The following TMC5 variants were observed in gnomAD, a reference collection of about 807,000 sequenced individuals.
TMC5 encodes the protein transmembrane channel-like protein 5.
Under a neutral mutation model 110.5 loss-of-function variants are expected in TMC5, and 86 were observed. That is an observed-to-expected ratio of 0.78 (90% CI 0.65 to 0.93). The LOEUF is 0.93. Among genes scored for constraint, TMC5 ranks in the 40% least tolerant of loss-of-function variants. The pLI is 0.00. For synonymous variants in TMC5, 455 were observed against 439.5 expected, an observed-to-expected ratio of 1.04 and a Z score of -0.44; for missense variants, 1,144 against 1,222.8, an observed-to-expected ratio of 0.94 and a Z score of 0.96.
At chr16:19,465,919 G>A (rs1968176371) in intron 8 of TMC5, among the ~76,000 whole-genome samples, 163 bp from the exon 9 acceptor site, 1 of 152,164 alleles carries the variant, frequency 6.6e-6, no homozygotes. Context: ...AGAGCCCAGT[G>A]ACACAATGTC....
At chr16:19,422,393 C>T (rs1376246236) in intron 1 of TMC5, among the ~76,000 whole-genome samples, 1 of 152,120 alleles carries the variant, frequency 6.6e-6, no homozygotes, top group Non-Finnish European at 1.5e-5. Flanking sequence ...ACTCCAATGC[C>T]CTGCTTCCAA....
chr16:19,470,227 C>T (rs1031226424), intron 10 of TMC5, among the ~76,000 whole-genome samples: 9 of 150,906 alleles, frequency 6.0e-5, no homozygotes, highest in Non-Finnish European at 8.8e-5. Flanking sequence ...CTCACTCCGC[C>T]GCCCAGGCTG....
Position 19,456,751 on chromosome 16 carries a change from G to T in TMC5, c.1049-3484G>T, listed in dbSNP as rs200072036. 107 of 1,614,076 alleles carry T rather than the reference G, an allele frequency of 6.6e-5. No individual in the cohort carries two copies. In the South Asian group the frequency reaches 1.0e-3, roughly 16 times the overall value. On this transcript the variant is annotated intron_variant, in intron 5 of 21. Transcript: ENST00000542583. Reference sequence around the variant, plus strand: ...TGAATGAAATCATCATACAGGTTGAGAATGTTTCCTCTGGGGTCCAAAGCC... The same window carrying T: ...TGAATGAAATCATCATACAGGTTGATAATGTTTCCTCTGGGGTCCAAAGCC...
chr16:19,438,130 G>A (rs564113447), intron 2 of TMC5, among the ~76,000 whole-genome samples: 3 of 152,192 alleles, frequency 2.0e-5, no homozygotes, highest in African/African-American at 7.2e-5. Flanking sequence ...AGTGGCTTAC[G>A]CCTGTAATCC....
intron 5 of TMC5, among the ~76,000 whole-genome samples, chr16:19,459,762 A>C (rs532331516): frequency 1.3e-5 from 2 of 149,584 alleles, no homozygotes. Context: ...ACAAAAAAAT[A>C]AAAAAATTAG....
Position 19,440,449 on chromosome 16 carries a change from T to C in TMC5, c.411T>C (p.Phe137=). ...DYPGSQRNPD[F]AGSSSSGNYA... is the part of the protein sequence containing the mutation. ...CTGGATCTCAACGAAATCCTGATTT[T>C]GCAGGCTCCAGCAGCAGTGGAAACT... Residue 137 remains phenylalanine (F), a synonymous_variant, in exon 3 of 22, where the codon TTT becomes TTC. Coordinates refer to ENST00000542583, the MANE Select transcript of TMC5 (RefSeq NM_001261841.2). 1 of 1,614,108 alleles carries C rather than the reference T, an allele frequency of 6.2e-7. No individual in the cohort carries two copies. The highest frequency in any genetic ancestry group is 8.5e-7 in the Non-Finnish European group (1 of 1,180,022).
At chr16:19,419,420 T>TTTTTG (rs1966931566) in intron 1 of TMC5, among the ~76,000 whole-genome samples, 1 of 135,658 alleles carries the variant, frequency 7.4e-6, no homozygotes, top group African/African-American at 2.7e-5. Flanking sequence ...TTTTTTTTTT[T>TTTTTG]TTTTTTTTTT....
intron 1 of TMC5, among the ~76,000 whole-genome samples, chr16:19,424,564 A>G (rs1252157400): frequency 1.3e-5 from 2 of 152,210 alleles, no homozygotes; most frequent in Admixed American, 6.5e-5. Context: ...CAGGAGAACC[A>G]CTTCAACCTG....
At chr16:19,415,102 G>A (rs1355465757), upstream of TMC5, among the ~76,000 whole-genome samples, 3 of 152,166 alleles carry the variant, frequency 2.0e-5, no homozygotes, top group Admixed American at 1.3e-4. Context: ...TTCTCACTCT[G>A]GAAGCAACCA....
chr16:19,473,271 C>T (rs1045812582), intron 11 of TMC5, among the ~76,000 whole-genome samples: 2 of 136,744 alleles, frequency 1.5e-5, no homozygotes, highest in African/African-American at 2.7e-5. Context: ...ACTTGAACCT[C>T]GGAGGCAGAG....
At chr16:19,428,316 T>A (rs1438502768) in intron 1 of TMC5, among the ~76,000 whole-genome samples, 1 of 151,588 alleles carries the variant, frequency 6.6e-6, no homozygotes, top group Non-Finnish European at 1.5e-5. Context: ...TTCTTTTTTT[T>A]TTTTTTTTTT....
chr16:19,469,547 C>G (rs961468124), intron 9 of TMC5, 134 bp from the exon 10 acceptor site: 7 of 1,118,076 alleles, frequency 6.3e-6, no homozygotes, highest in Non-Finnish European at 9.0e-6. Context: ...CCACACCGCT[C>G]CAGGCCAACA....
intron 4 of TMC5, among the ~76,000 whole-genome samples, chr16:19,447,717 C>A (rs1967645285): frequency 6.6e-6 from 1 of 151,908 alleles, no homozygotes; most frequent in Non-Finnish European, 1.5e-5. Context: ...CCATGCCCAG[C>A]CAATTTTTTT....
chr16:19,415,017 A>G (rs955678272), upstream of TMC5, among the ~76,000 whole-genome samples: 1 of 152,192 alleles, frequency 6.6e-6, no homozygotes, highest in African/African-American at 2.4e-5. Context: ...AAAAAGAAAA[A>G]TGGAAAAAAT....
intron 4 of TMC5, among the ~76,000 whole-genome samples, chr16:19,447,179 TGA>T (rs1967633698): frequency 6.6e-6 from 1 of 152,168 alleles, no homozygotes; most frequent in Non-Finnish European, 1.5e-5. Context: ...TGAACTACGC[TGA>T]GTTTGTTGTG....
At chr16:19,447,419 A>G (rs904750462) in intron 4 of TMC5, among the ~76,000 whole-genome samples, 1 of 152,206 alleles carries the variant, frequency 6.6e-6, no homozygotes, top group Non-Finnish European at 1.5e-5. Flanking sequence ...CAATGGAGGT[A>G]GTCAAGGTAG....
intron 13 of TMC5, among the ~76,000 whole-genome samples, chr16:19,478,990 C>T (rs915035906): frequency 2.0e-5 from 3 of 152,164 alleles, no homozygotes; most frequent in African/African-American, 7.2e-5. Context: ...CCTACTAAAC[C>T]TCTAGGCCAC....
chr16:19,449,019 C>T lies in TMC5; in HGVS notation c.959-523C>T, dbSNP rs903306812. On this transcript the variant is annotated intron_variant, in intron 4 of 21. Coordinates refer to ENST00000542583, the MANE Select transcript of TMC5 (RefSeq NM_001261841.2). Reference sequence around the variant, plus strand: ...GACTACAGGCGCCCGCCACTACACCCGGCTAATTTTTTTGTATTTTTTTAG... The same window carrying T: ...GACTACAGGCGCCCGCCACTACACCTGGCTAATTTTTTTGTATTTTTTTAG... Among the ~76,000 whole-genome samples the T allele has an allele frequency of 5.3e-5, 8 of 151,370 alleles. No individual in the cohort carries two copies. The East Asian group carries it at 7.8e-4, about 15-fold the overall frequency.
chr16:19,495,627 G>GGACT (rs1383346178), intron 20 of TMC5, among the ~76,000 whole-genome samples: 1 of 152,030 alleles, frequency 6.6e-6, no homozygotes, highest in Non-Finnish European at 1.5e-5. Context: ...TGGGAGGGGA[G>GGACT]GACTGCTTGA....
Sources: allele counts gnomAD v4.1 joint callset (sites outside exome capture counted in the v4.1 genomes callset), GRCh38; gene constraint gnomAD v4.1.1; transcripts MANE v1.5; gene names NCBI Gene and HGNC (gene_info 2026-07-23, HGNC 2026-07-21).